Variants in SPPL3 observed in about 807,000 individuals in gnomAD.
The protein encoded by SPPL3 is signal peptide peptidase like 3.
SPPL3 carries 5 observed loss-of-function variants against 42.4 expected under a neutral mutation model. The observed-to-expected ratio is 0.12, with a 90% CI of 0.06 to 0.25. The LOEUF is 0.25. SPPL3 is among the 10% of genes least tolerant of loss of function. The pLI is 1.00. For synonymous variants in SPPL3, 195 were observed against 181.8 expected (o/e 1.07, Z -0.58); for missense variants, 235 against 489.0 (o/e 0.48, Z 4.90).
chr12:120,820,975 G>A (rs1330438595), intron 1 of SPPL3, among the ~76,000 whole-genome samples: 1 of 151,842 alleles, frequency 6.6e-6, no homozygotes, highest in Non-Finnish European at 1.5e-5. Context: ...AATATTTCAT[G>A]GAAAGACATA....
At chr12:120,767,787 C>T (rs1236611087) in intron 8 of SPPL3, among the ~76,000 whole-genome samples, 194 bp from the exon 9 acceptor site, 4 of 152,196 alleles carry the variant, frequency 2.6e-5, no homozygotes, top group Non-Finnish European at 5.9e-5. Context: ...TAGAGGTCTC[C>T]ACCTTGGCCC....
At chr12:120,822,306 A>T (rs1051592207) in intron 1 of SPPL3, among the ~76,000 whole-genome samples, 1 of 152,234 alleles carries the variant, frequency 6.6e-6, no homozygotes, top group Non-Finnish European at 1.5e-5. Flanking sequence ...AACTTAAGGA[A>T]AATTTTAAAA....
At chr12:120,824,320 TTAATGGAACACAGGATTC>T (rs1871173060) in intron 1 of SPPL3, among the ~76,000 whole-genome samples, 1 of 152,158 alleles carries the variant, frequency 6.6e-6, no homozygotes. Context: ...AAATTTTTTT[TTAATGGAACACAGGATTC>T]TGGTGGAAAC....
chr12:120,888,829 G>T (rs760257147), intron 1 of SPPL3, among the ~76,000 whole-genome samples: 6 of 151,978 alleles, frequency 3.9e-5, no homozygotes, highest in Admixed American at 6.6e-5. Flanking sequence ...TATTTTTTGA[G>T]ACCGGGTCTT....
At chr12:120,771,499 A>G (rs10849786) in intron 6 of SPPL3, among the ~76,000 whole-genome samples, 36,558 of 152,090 alleles carry the variant, frequency 0.24, 5,572 homozygotes, top group African/African-American at 0.42. Flanking sequence ...ATTTAAGATC[A>G]TACTTCCTGC....
chr12:120,841,930 C>T (rs1871845994), intron 1 of SPPL3, among the ~76,000 whole-genome samples: 1 of 152,176 alleles, frequency 6.6e-6, no homozygotes, highest in Admixed American at 6.5e-5. Context: ...GGATTATTGG[C>T]TTGTATATTT....
chr12:120,791,852 G>C (rs1869927012), intron 2 of SPPL3: 1 of 311,366 alleles, frequency 3.2e-6, no homozygotes, highest in African/African-American at 2.3e-5. Context: ...CCTAGAAGGA[G>C]AAATGTCAAA....
chr12:120,768,885 G>C (rs1043771680), intron 7 of SPPL3, 68 bp downstream of exon 7: 4 of 1,381,088 alleles, frequency 2.9e-6, no homozygotes, highest in Non-Finnish European at 4.0e-6. Context: ...CTAGTTAATA[G>C]TTTTCAGGCA....
At position 120,764,777 on chromosome 12, in the gene SPPL3, G is replaced by C. The variant is rs760846862; in HGVS notation, c.*222C>G. The C allele has an allele frequency of 4.0e-6, 2 of 504,998 alleles. No homozygotes were observed. The highest frequency in any genetic ancestry group is 6.9e-6 in the Non-Finnish European group (2 of 288,950). The allele number at this position is 504,998 out of a possible 1,614,324, so 31.3% of individuals were successfully genotyped here. ...GCTGGGGAGAGGCCTGTCCCTCTTG[G>C]AAGGGGCCCCACCTCTACATCCGCA... is the stretch of plus-strand genomic sequence containing the variant. On this transcript the variant is annotated 3_prime_UTR_variant, in exon 11 of 11. Coordinates refer to ENST00000353487, the MANE Select transcript of SPPL3 (RefSeq NM_139015.5).
chr12:120,795,715 G>A (rs1870075755), intron 2 of SPPL3, among the ~76,000 whole-genome samples: 1 of 151,768 alleles, frequency 6.6e-6, no homozygotes. Flanking sequence ...TGTTTTTTGT[G>A]CTTATAATCT....
intron 6 of SPPL3, among the ~76,000 whole-genome samples, chr12:120,771,325 C>T (rs967580976): frequency 5.4e-4 from 82 of 152,350 alleles, no homozygotes; most frequent in African/African-American, 1.6e-3. Flanking sequence ...CTCTACCCCC[C>T]ATGCCGCCGC....
At chr12:120,813,427 C>G (rs1470494547) in intron 1 of SPPL3, among the ~76,000 whole-genome samples, 1 of 150,640 alleles carries the variant, frequency 6.6e-6, no homozygotes, top group African/African-American at 2.5e-5. Context: ...AAGCAATTTT[C>G]CTGCTTCAGC....
chr12:120,853,910 A>G (rs1305701819), intron 1 of SPPL3, among the ~76,000 whole-genome samples: 1 of 151,838 alleles, frequency 6.6e-6, no homozygotes, highest in Admixed American at 6.6e-5. Flanking sequence ...TTGGAATAGC[A>G]AAAAACAACA....
At chr12:120,832,588 A>C (rs766842047) in intron 1 of SPPL3, among the ~76,000 whole-genome samples, 1 of 151,902 alleles carries the variant, frequency 6.6e-6, no homozygotes, top group African/African-American at 2.4e-5. Flanking sequence ...CAGGAGAATC[A>C]CTTGAACCCG....
chr12:120,876,808 T>TACAC (rs71076677), intron 1 of SPPL3, among the ~76,000 whole-genome samples: 5,325 of 146,574 alleles, frequency 0.036, 114 homozygotes, highest in South Asian at 0.058. Flanking sequence ...GAGAAACACA[T>TACAC]ACACACACAC....
intron 1 of SPPL3, among the ~76,000 whole-genome samples, chr12:120,853,191 C>G (rs571040458): frequency 6.6e-6 from 1 of 152,240 alleles, no homozygotes; most frequent in East Asian, 1.9e-4. Flanking sequence ...GCCACTACGC[C>G]CGGCCTAAAG....
intron 1 of SPPL3, among the ~76,000 whole-genome samples, chr12:120,875,720 A>T (rs1329329756): frequency 7.0e-6 from 1 of 142,564 alleles, no homozygotes; most frequent in Non-Finnish European, 1.6e-5. Flanking sequence ...ATGAAAAATA[A>T]ATTCCAAGAA....
At chr12:120,868,224 C>T (rs887325277) in intron 1 of SPPL3, among the ~76,000 whole-genome samples, 2 of 151,666 alleles carry the variant, frequency 1.3e-5, no homozygotes, top group African/African-American at 4.9e-5. Context: ...CCACTGCACT[C>T]CAGCCTGGGT....
intron 1 of SPPL3, among the ~76,000 whole-genome samples, chr12:120,877,618 T>C (rs1199585921): frequency 1.3e-5 from 2 of 151,566 alleles, no homozygotes. Context: ...CTGTCTCTAG[T>C]AAAAATATAA....
Sources: gnomAD v4.1 joint callset for allele counts (sites outside exome capture counted in the v4.1 genomes callset) on GRCh38, gnomAD v4.1.1 for gene constraint, MANE v1.5 for transcripts, NCBI Gene and HGNC (gene_info 2026-07-23, HGNC 2026-07-21) for gene names.